The following FOXP1 variants were observed in gnomAD, a reference collection of about 807,000 sequenced individuals.
FOXP1 encodes forkhead box P1.
A neutral mutation model predicts 98.2 loss-of-function variants in FOXP1; 15 were observed. The ratio of observed to expected loss-of-function variants is 0.15; its 90% confidence interval spans 0.10 to 0.24. FOXP1 has a LOEUF of 0.24. Among genes scored for constraint, FOXP1 ranks in the 10% least tolerant of loss-of-function variants. FOXP1 has a pLI of 1.00. For synonymous variants in FOXP1, 371 were observed against 314.5 expected, an observed-to-expected ratio of 1.18 and a Z score of -1.90; for missense variants, 633 against 848.5, an observed-to-expected ratio of 0.75 and a Z score of 3.15.
At chr3:71,163,943 G>C (rs1443997468) in intron 6 of FOXP1, among the ~76,000 whole-genome samples, 1 of 152,156 alleles carries the variant, frequency 6.6e-6, no homozygotes, top group Admixed American at 6.5e-5. Context: ...GAAAGGGCTT[G>C]CTCTCCTTCA....
intron 5 of FOXP1, among the ~76,000 whole-genome samples, chr3:71,295,609 G>T (rs761955069): frequency 1.3e-5 from 2 of 152,092 alleles, no homozygotes; most frequent in African/African-American, 4.8e-5. Context: ...GCTTGGAGAT[G>T]CCTAATGTTT....
Position 71,511,644 on chromosome 3 carries a change from C to CT in FOXP1, c.-297-18090dup, listed in dbSNP as rs34132625. Among the ~76,000 whole-genome samples the CT allele has an allele frequency of 5.6e-4, 85 of 151,982 alleles. 1 individual carries two copies. The highest frequency in any genetic ancestry group is 1.8e-3 in the Admixed American group (27 of 15,282). ...GTGGCCCTGTATGAACACTGACTTCCTTTTTTTTGGTTTTCTTTTAGCTCC... is the reference window on the plus strand; with the variant it reads ...GTGGCCCTGTATGAACACTGACTTCCTTTTTTTTTGGTTTTCTTTTAGCTCC... On this transcript the variant is annotated intron_variant, in intron 2 of 20. Coordinates refer to ENST00000649528, the MANE Select transcript of FOXP1 (RefSeq NM_001349338.3).
At position 71,298,459 on chromosome 3, in the gene FOXP1, C is replaced by T. The variant is rs139994022; in HGVS notation, c.-12+1361G>A. On this transcript the variant is annotated intron_variant, in intron 5 of 20. Coordinates refer to ENST00000649528, the MANE Select transcript of FOXP1 (RefSeq NM_001349338.3). The stretch of plus-strand genomic sequence containing the variant: ...CAGCCTGGGCAACAGAGCGAAACTC[C>T]GTCTCAAAAAGAAAAAAAAAGAAAA... Among the ~76,000 whole-genome samples, 1,142 of 150,446 alleles carry T rather than the reference C, an allele frequency of 7.6e-3. 18 individuals carry two copies. Among genetic ancestry groups the T allele is most frequent in the African/African-American group, 0.026 (1,064 of 40,964 alleles).
At chr3:71,062,639 A>C (rs1442277185) in intron 7 of FOXP1, among the ~76,000 whole-genome samples, 1 of 152,222 alleles carries the variant, frequency 6.6e-6, no homozygotes, top group Non-Finnish European at 1.5e-5. Context: ...AACACAACAC[A>C]AACAGAAAGC....
intron 3 of FOXP1, among the ~76,000 whole-genome samples, chr3:71,484,807 G>A (rs1220014526): frequency 6.6e-6 from 1 of 152,132 alleles, no homozygotes; most frequent in Non-Finnish European, 1.5e-5. Context: ...GTGCTGAGAT[G>A]ACACTTTGAA....
Position 70,989,347 on chromosome 3 carries a change from TAAGA to T in FOXP1, c.1063-1274_1063-1271del, listed in dbSNP as rs373203908. ...CCTTGTGGTTCAGGGAGGAATAAAT[TAAGA>T]AAGAAAGAAAAAAACAGCCGTACAG... On this transcript the variant is annotated intron_variant, in intron 13 of 20. Coordinates refer to ENST00000649528, the MANE Select transcript of FOXP1 (RefSeq NM_001349338.3). Among the ~76,000 whole-genome samples the T allele has an allele frequency of 2.0e-5, 3 of 151,942 alleles. No homozygotes were observed. The East Asian group carries it at 5.8e-4, about 29-fold the overall frequency.
At position 70,976,956 on chromosome 3, in the gene FOXP1, G is replaced by A. The variant is rs201212255; in HGVS notation, c.1515C>T (p.Asn505=). The change falls in exon 17 of 21, where the codon AAC becomes AAT. Residue 505 remains asparagine (N), a synonymous_variant. Transcript: ENST00000649528. The stretch of plus-strand genomic sequence containing the variant: ...GAAAGCTTACCTTCCACGTGGCCGC[G>A]TTGCGTCGGAAGTAAGCAAACATTC... ...FTRMFAYFRR[N]AATWKNAVRH... 1.0e-4 allele frequency: 163 copies of A among 1,613,442 alleles called. No individual in the cohort carries two copies. Among genetic ancestry groups the A allele is most frequent in the South Asian group, 4.2e-4 (38 of 91,072 alleles).
intron 6 of FOXP1, 81 bp downstream of exon 6, chr3:71,198,121 C>G: frequency 6.2e-7 from 1 of 1,613,208 alleles, no homozygotes; most frequent in African/African-American, 1.3e-5. Flanking sequence ...ACACTGATCG[C>G]GAGATCGCGA....
At chr3:71,384,202 G>C (rs1238832563) in intron 3 of FOXP1, among the ~76,000 whole-genome samples, 2 of 151,998 alleles carry the variant, frequency 1.3e-5, no homozygotes, top group Non-Finnish European at 2.9e-5. Flanking sequence ...CAACAGAGTG[G>C]GACTCCGTCT....
At chr3:71,313,250 G>A (rs1223684103) in intron 4 of FOXP1, among the ~76,000 whole-genome samples, 2 of 151,420 alleles carry the variant, frequency 1.3e-5, no homozygotes, top group African/African-American at 4.9e-5. Context: ...TAGTAGAGAC[G>A]GGGTTTCACT....
chr3:71,533,761 T>C (rs1190355710), intron 2 of FOXP1, among the ~76,000 whole-genome samples: 6 of 152,222 alleles, frequency 3.9e-5, no homozygotes, highest in African/African-American at 1.4e-4. Context: ...TATTCTTTTG[T>C]TGAATGAATA....
chr3:70,959,861 C>T (rs986066460), intron 20 of FOXP1, among the ~76,000 whole-genome samples: 1 of 152,158 alleles, frequency 6.6e-6, no homozygotes, highest in Admixed American at 6.5e-5. Flanking sequence ...AACAAGCCCC[C>T]AAGTGATGCC....
intron 3 of FOXP1, among the ~76,000 whole-genome samples, chr3:71,466,986 T>C (rs1239079930): frequency 1.3e-5 from 2 of 152,082 alleles, no homozygotes; most frequent in Non-Finnish European, 2.9e-5. Flanking sequence ...GAGAATTTAG[T>C]GGGTTGGGGA....
At chr3:71,129,219 A>T (rs1186773109) in intron 6 of FOXP1, among the ~76,000 whole-genome samples, 1 of 152,020 alleles carries the variant, frequency 6.6e-6, no homozygotes, top group African/African-American at 2.4e-5. Flanking sequence ...CACTCTTTCC[A>T]TTTTCCCTGC....
At chr3:71,579,572 A>C (rs529852722) in intron 2 of FOXP1, among the ~76,000 whole-genome samples, 1 of 151,964 alleles carries the variant, frequency 6.6e-6, no homozygotes, top group East Asian at 1.9e-4. Flanking sequence ...TTAAATTCCA[A>C]GAGTGGGCTG....
chr3:71,183,871 C>G (rs1576266383), intron 6 of FOXP1, among the ~76,000 whole-genome samples: 1 of 151,984 alleles, frequency 6.6e-6, no homozygotes, highest in African/African-American at 2.4e-5. Flanking sequence ...AGCCCTCCAG[C>G]GCCTGGCGTG....
chr3:71,090,657 G>A (rs1575623422), intron 7 of FOXP1, among the ~76,000 whole-genome samples: 1 of 152,166 alleles, frequency 6.6e-6, no homozygotes, highest in Non-Finnish European at 1.5e-5. Context: ...TAAGAGTGCA[G>A]GGAAGAACTA....
At chr3:71,573,847 A>T (rs186848328) in intron 2 of FOXP1, 1 of 152,140 alleles carries the variant, frequency 6.6e-6, no homozygotes, top group Non-Finnish European at 1.5e-5. Flanking sequence ...TCTACCATAC[A>T]TCACTAAAAA....
intron 7 of FOXP1, among the ~76,000 whole-genome samples, chr3:71,098,117 G>A (rs2056633024): frequency 6.6e-6 from 1 of 152,134 alleles, no homozygotes; most frequent in Non-Finnish European, 1.5e-5. Flanking sequence ...ATTCTGTTTT[G>A]CTTTCATTTG....
Sources: allele counts gnomAD v4.1 joint callset (sites outside exome capture counted in the v4.1 genomes callset), GRCh38; gene constraint gnomAD v4.1.1; transcripts MANE v1.5; gene names NCBI Gene and HGNC (gene_info 2026-07-23, HGNC 2026-07-21).